The following SLC44A3 variants were observed in gnomAD, a reference collection of about 807,000 sequenced individuals.
SLC44A3 encodes solute carrier family 44 member 3.
A neutral mutation model predicts 75.4 loss-of-function variants in SLC44A3; 74 were observed. The ratio of observed to expected loss-of-function variants is 0.98; its 90% CI spans 0.81 to 1.19. The LOEUF (loss-of-function observed/expected upper bound fraction) is 1.19, where lower values mean the gene tolerates loss of function less well. Among genes scored for constraint, SLC44A3 ranks in the 50% most tolerant of loss-of-function variants. SLC44A3 has a pLI of 0.00. For missense variants in SLC44A3, 700 were observed against 778.6 expected (o/e 0.90, Z 1.20); for synonymous variants, 310 against 296.9 (o/e 1.04, Z -0.45).
At chr1:94,838,991 G>A (rs1032059780) in intron 6 of SLC44A3, 7 of 152,188 alleles carry the variant, frequency 4.6e-5, no homozygotes, top group African/African-American at 1.7e-4. Flanking sequence ...CCACTCATAG[G>A]AGATGAAACT....
At chr1:94,825,195 G>A (rs1004013903) in intron 3 of SLC44A3, among the ~76,000 whole-genome samples, 3 of 152,236 alleles carry the variant, frequency 2.0e-5, no homozygotes, top group Non-Finnish European at 4.4e-5. Context: ...ACAGAAAGGG[G>A]AGAGAAGAGA....
chr1:94,837,958 C>A, intron 6 of SLC44A3, 87 bp downstream of exon 6: 2 of 1,206,178 alleles, frequency 1.7e-6, no homozygotes, highest in Non-Finnish European at 2.3e-6. Flanking sequence ...GAAAATTAGC[C>A]TCTTGTTTTA....
intron 5 of SLC44A3, among the ~76,000 whole-genome samples, chr1:94,836,020 T>G (rs1662736034): frequency 6.6e-6 from 1 of 152,234 alleles, no homozygotes; most frequent in Non-Finnish European, 1.5e-5. Flanking sequence ...ACTGTTTCTG[T>G]AATATTGAGA....
In SLC44A3 at chr1:94,820,450, C is replaced by A; in HGVS notation, c.-2C>A. The stretch of plus-strand genomic sequence containing the variant: ...TCACCGGCCCCCGCCGGCGAGCGCA[C>A]GATGCACTGCCTGGGCGCCGAGTAC... On this transcript the variant is annotated 5_prime_UTR_variant, in exon 1 of 15. Coordinates refer to ENST00000271227, the MANE Select transcript of SLC44A3 (RefSeq NM_001114106.3). 2.0e-6 allele frequency: 3 copies of A among 1,470,906 alleles called. No homozygotes were observed. The highest frequency in any genetic ancestry group is 2.7e-6 in the Non-Finnish European group (3 of 1,114,604). The allele number at this position is 1,470,906 out of a possible 1,614,324, so 91.1% of individuals were successfully genotyped here. A position where few individuals can be genotyped will look rare whatever the true frequency, so the allele number is the denominator to read the frequency against.
intron 12 of SLC44A3, among the ~76,000 whole-genome samples, chr1:94,871,277 C>A (rs1219113684): frequency 6.6e-6 from 1 of 152,200 alleles, no homozygotes; most frequent in African/African-American, 2.4e-5. Flanking sequence ...GATGAACTCA[C>A]TGTAACTGTA....
rs1423149886 is a variant in SLC44A3 at position 94,854,498 on chromosome 1, AGTG to A, written c.1073-2836_1073-2834del. On this transcript the variant is annotated intron_variant, in intron 9 of 14. Coordinates refer to ENST00000271227, the MANE Select transcript of SLC44A3 (RefSeq NM_001114106.3). ...ATTAGCTACCCATGATAGTAGCTGT[AGTG>A]CCCAGTCCATAGAGACAAAGCAACT... Among the ~76,000 whole-genome samples the A allele has an allele frequency of 2.6e-5, 4 of 152,210 alleles. 1 individual carries two copies. In the East Asian group the frequency reaches 7.7e-4, roughly 29 times the overall value.
chr1:94,851,263 T>C (rs1054344264), intron 9 of SLC44A3, among the ~76,000 whole-genome samples: 1 of 152,234 alleles, frequency 6.6e-6, no homozygotes, highest in African/African-American at 2.4e-5. Flanking sequence ...TATTTTATAT[T>C]CTTCATTCTT....
At chr1:94,838,751 C>G (rs1663157562) in intron 6 of SLC44A3, among the ~76,000 whole-genome samples, 1 of 152,192 alleles carries the variant, frequency 6.6e-6, no homozygotes, top group Admixed American at 6.5e-5. Context: ...CTTCAATTGA[C>G]TCAAACAAGA....
At chr1:94,886,696 C>T (rs1669628172) in intron 12 of SLC44A3, among the ~76,000 whole-genome samples, 1 of 152,136 alleles carries the variant, frequency 6.6e-6, no homozygotes, top group African/African-American at 2.4e-5. Flanking sequence ...GCCCTCACAG[C>T]CACACAGGGC....
intron 9 of SLC44A3, among the ~76,000 whole-genome samples, chr1:94,851,631 A>G (rs1224407779): frequency 2.0e-4 from 30 of 152,236 alleles, no homozygotes; most frequent in Admixed American, 2.0e-3. Context: ...AGATGGATAC[A>G]TGAAGAACTC....
At chr1:94,821,317 A>G (rs1267193561) in intron 2 of SLC44A3, among the ~76,000 whole-genome samples, 3 of 152,210 alleles carry the variant, frequency 2.0e-5, no homozygotes, top group African/African-American at 7.2e-5. Flanking sequence ...CTATTTAGTA[A>G]GGCCAATGTG....
At chr1:94,829,824 T>C (rs1661886307) in intron 5 of SLC44A3, among the ~76,000 whole-genome samples, 1 of 152,250 alleles carries the variant, frequency 6.6e-6, no homozygotes, top group South Asian at 2.1e-4. Context: ...TATTGAACTC[T>C]TGTTTGGGAC....
intron 10 of SLC44A3, among the ~76,000 whole-genome samples, chr1:94,864,532 G>C (rs992737082): frequency 4.6e-5 from 7 of 152,072 alleles, no homozygotes; most frequent in Non-Finnish European, 1.0e-4. Context: ...AATTTTTTCT[G>C]TTTTATTTGT....
At position 94,894,963 on chromosome 1, in the gene SLC44A3, T is replaced by C; in HGVS notation, c.*41T>C. The C allele has an allele frequency of 6.7e-7, 1 of 1,503,160 alleles. No homozygotes were observed. The highest frequency in any genetic ancestry group is 9.1e-7 in the Non-Finnish European group (1 of 1,097,346). The allele number at this position is 1,503,160 out of a possible 1,614,324, so 93.1% of individuals were successfully genotyped here. On this transcript the variant is annotated 3_prime_UTR_variant, in exon 15 of 15. Transcript: ENST00000271227. ...TCTGTACCTGGAAAACATTTCCTTC[T>C]AAGAGCCATTTACAGAATAGAAGAT...
Position 94,837,736 on chromosome 1 carries a change from T to C in SLC44A3, c.535T>C (p.Cys179Arg). 1 of 1,592,868 alleles carries C rather than the reference T, an allele frequency of 6.3e-7. No homozygotes were observed. The highest frequency in any genetic ancestry group is 8.5e-7 in the Non-Finnish European group (1 of 1,172,194). Residue 179 changes from cysteine to arginine, a missense_variant, in exon 6 of 15, where the codon TGT (cysteine) becomes CGT (arginine). Cys to Arg is a radical substitution (Grantham distance 180). Coordinates refer to ENST00000271227, the MANE Select transcript of SLC44A3 (RefSeq NM_001114106.3). ...PSKSFPLFNR[C>R]VPQTPECYSL... is the part of the protein sequence containing the mutation. ...CAAGTCATTTCCCTTATTTAACCGA[T>C]GTGTCCCTCAAACACCTGAGTGCTA...
intron 12 of SLC44A3, among the ~76,000 whole-genome samples, chr1:94,881,055 T>C (rs1668911722): frequency 6.6e-6 from 1 of 152,170 alleles, no homozygotes; most frequent in Admixed American, 6.5e-5. Context: ...AGAAAAGATA[T>C]GTTACTACAG....
chr1:94,840,283 C>CTTTTTTTTTTTTTTTT (rs56383271), intron 7 of SLC44A3, among the ~76,000 whole-genome samples: 3 of 77,360 alleles, frequency 3.9e-5, no homozygotes, highest in Non-Finnish European at 2.3e-5. Flanking sequence ...TTTCTTTTTC[C>CTTTTTTTTTTTTTTTT]TTTTTTTTTT....
At chr1:94,850,884 C>T (rs1665133336) in intron 9 of SLC44A3, among the ~76,000 whole-genome samples, 1 of 151,982 alleles carries the variant, frequency 6.6e-6, no homozygotes. Context: ...TTTAAGTTTT[C>T]AGAGATCTAG....
chr1:94,850,840 T>G (rs1665128632), intron 9 of SLC44A3, among the ~76,000 whole-genome samples: 1 of 152,214 alleles, frequency 6.6e-6, no homozygotes, highest in Non-Finnish European at 1.5e-5. Context: ...TCTGGCACAT[T>G]CAATAACACA....
Sources: gnomAD v4.1 joint callset for allele counts (sites outside exome capture counted in the v4.1 genomes callset) on GRCh38, gnomAD v4.1.1 for gene constraint, MANE v1.5 for transcripts, NCBI Gene and HGNC (gene_info 2026-07-23, HGNC 2026-07-21) for gene names.